Variants in CLIP3 observed in about 807,000 individuals in gnomAD.
CLIP3 encodes the protein CAP-Gly domain-containing linker protein 3.
Under a neutral mutation model 59.4 loss-of-function variants are expected in CLIP3, and 15 were observed. The observed-to-expected ratio is 0.25, with a 90% CI of 0.17 to 0.39. CLIP3 has a LOEUF of 0.39. Among genes scored for constraint, CLIP3 ranks in the 10% least tolerant of loss-of-function variants. The pLI is 1.00. For missense variants in CLIP3, 495 were observed against 765.7 expected (o/e 0.65, Z 4.17); for synonymous variants, 300 against 321.6 (o/e 0.93, Z 0.72).
chr19:36,020,357 C>T (rs956444602), intron 7 of CLIP3, among the ~76,000 whole-genome samples: 1 of 151,758 alleles, frequency 6.6e-6, no homozygotes, highest in Non-Finnish European at 1.5e-5. Flanking sequence ...AATCCTAGCA[C>T]TCTGGGAGGC....
intron 2 of CLIP3, among the ~76,000 whole-genome samples, chr19:36,031,025 T>TTTTTTTTTTTTTTTTTTTC (rs1969251895): frequency 8.5e-5 from 7 of 82,656 alleles, no homozygotes; most frequent in Non-Finnish European, 1.3e-4. Flanking sequence ...TTTTTTTTCT[T>TTTTTTTTTTTTTTTTTTTC]TTTTTTTTTT....
Position 36,016,702 on chromosome 19 carries a change from C to T in CLIP3, c.1589+205G>A, listed in dbSNP as rs544472170. 151 of 593,836 alleles carry T rather than the reference C, an allele frequency of 2.5e-4. 1 individual carries two copies. The South Asian group carries it at 2.7e-3, about 11-fold the overall frequency. The allele number at this position is 593,836 out of a possible 1,614,324, so 36.8% of individuals were successfully genotyped here. A position where few individuals can be genotyped will look rare whatever the true frequency, so the allele number is the denominator to read the frequency against. On this transcript the variant is annotated intron_variant, in intron 13 of 13. Coordinates refer to ENST00000360535, the MANE Select transcript of CLIP3 (RefSeq NM_015526.3). The surrounding 1 kb of genome is among the most constrained non-coding windows in gnomAD (Gnocchi z 4.1). ...GTGAAGGGTGTTCTGCTTCCTTTAC[C>T]GGCCCACCCGAAAGTGGAATTCACT...
At chr19:36,025,011 A>G (rs1969061216) in intron 6 of CLIP3, among the ~76,000 whole-genome samples, 1 of 151,510 alleles carries the variant, frequency 6.6e-6, no homozygotes, top group Non-Finnish European at 1.5e-5. Context: ...GGTTGCAGTG[A>G]GCCAAGATCA....
At position 36,026,740 on chromosome 19, in the gene CLIP3, G is replaced by A. The variant is rs371441281; in HGVS notation, c.408C>T (p.Pro136=). 6.3e-7 allele frequency: 1 copy of A among 1,596,110 alleles called. No individual in the cohort carries two copies. The highest frequency in any genetic ancestry group is 1.1e-5 in the South Asian group (1 of 89,768). Residue 136 remains proline, a synonymous_variant, in exon 5 of 14, where the codon CCC becomes CCT. Transcript: ENST00000360535. The surrounding 1 kb of genome is among the most constrained non-coding windows in gnomAD (Gnocchi z 6.3). ...GCTGCGAGAGGCGCACGGCTGCCGC[G>A]GGGTCCCCTGCGCGATAGGCCGGGT... The part of the protein sequence containing the change: ...CKAGAHGVGD[P]AAAVRLSQQL...
chr19:36,026,845 C>T lies in CLIP3; in HGVS notation c.401-98G>A, dbSNP rs1599702607. On this transcript the variant is annotated intron_variant, in intron 4 of 13. Coordinates refer to ENST00000360535, the MANE Select transcript of CLIP3 (RefSeq NM_015526.3). The surrounding 1 kb of genome is among the most constrained non-coding windows in gnomAD (Gnocchi z 6.3). ...GCTTCAGGGACTATACTTTGGGATC[C>T]GAAGCTTCGGGTTCCAGATGGGGCC... The T allele has an allele frequency of 5.9e-6, 9 of 1,529,164 alleles. No individual in the cohort carries two copies. In the South Asian group the frequency reaches 7.3e-5, roughly 12 times the overall value. The allele number at this position is 1,529,164 out of a possible 1,614,324, so 94.7% of individuals were successfully genotyped here.
At chr19:36,019,099 C>T (rs1233109229) in intron 8 of CLIP3, 72 bp downstream of exon 8, 12 of 1,602,398 alleles carry the variant, frequency 7.5e-6, no homozygotes, top group Non-Finnish European at 9.4e-6. Context: ...TCCCCTATTT[C>T]CCAGTCAGCA....
At chr19:36,031,712 C>T (rs1458004350) in intron 2 of CLIP3, among the ~76,000 whole-genome samples, 4 of 152,202 alleles carry the variant, frequency 2.6e-5, no homozygotes, top group Non-Finnish European at 5.9e-5. Flanking sequence ...CTTGCAGCAG[C>T]TTGTTTATGG....
In CLIP3 at chr19:36,016,993, CAG is replaced by C; in HGVS notation, c.1517-16_1517-15del. 1 of 1,613,658 alleles carries C rather than the reference CAG, an allele frequency of 6.2e-7. No homozygotes were observed. The highest frequency in any genetic ancestry group is 8.5e-7 in the Non-Finnish European group (1 of 1,179,778). On this transcript the variant is annotated splice_polypyrimidine_tract_variant and intron_variant, in intron 12 of 13. Coordinates refer to ENST00000360535, the MANE Select transcript of CLIP3 (RefSeq NM_015526.3). The surrounding 1 kb of genome is among the most constrained non-coding windows in gnomAD (Gnocchi z 4.1). ...TGGGCTGCGTCACTGAAGAGGAGGG[CAG>C]GATGTCAAGTGAGGGGATGACAGAC... is the stretch of plus-strand genomic sequence containing the variant.
rs761530582 is a variant in CLIP3 at position 36,019,274 on chromosome 19, C to T, written c.951G>A (p.Glu317=). 4.3e-6 allele frequency: 7 copies of T among 1,613,556 alleles called. No individual in the cohort carries two copies. The highest frequency in any genetic ancestry group is 3.3e-4 in the Middle Eastern group (2 of 6,062). The change falls in exon 8 of 14, where the codon GAG becomes GAA. Residue 317 remains glutamate (E), a synonymous_variant. Transcript: ENST00000360535. ...TGTLRFCGTT[E]FASGQWVGVE... ...CGCCCACCCACTGGCCGCTGGCAAA[C>T]TCCGTGGTCCCACAGAACCGCAGTG...
intron 7 of CLIP3, among the ~76,000 whole-genome samples, chr19:36,022,674 C>T (rs1188866118): frequency 6.6e-6 from 1 of 152,194 alleles, no homozygotes; most frequent in African/African-American, 2.4e-5. Flanking sequence ...GTAATCCCAG[C>T]ACTTTGGGAG....
chr19:36,022,385 G>T (rs1968975514), intron 7 of CLIP3, among the ~76,000 whole-genome samples: 1 of 152,148 alleles, frequency 6.6e-6, no homozygotes, highest in South Asian at 2.1e-4. Context: ...AGAATCACTG[G>T]CTCCAGGTCC....
chr19:36,016,216 G>C lies in CLIP3; in HGVS notation c.1590-4C>G, dbSNP rs781124498. On this transcript the variant is annotated splice_polypyrimidine_tract_variant and splice_region_variant and intron_variant, in intron 13 of 13. Coordinates refer to ENST00000360535, the MANE Select transcript of CLIP3 (RefSeq NM_015526.3). The surrounding 1 kb of genome is among the most constrained non-coding windows in gnomAD (Gnocchi z 4.1). ...GAACCAGCAGCAGAACAGCAACCTG[G>C]AAAGGAGGATGACAGGGTCACGCCC... 2 of 1,614,074 alleles carry C rather than the reference G, an allele frequency of 1.2e-6. No homozygotes were observed. Among genetic ancestry groups the C allele is most frequent in the South Asian group, 2.2e-5 (2 of 91,086 alleles).
Position 36,031,008 on chromosome 19 carries a change from C to CTTTTTTTTTTTTTTTTTTTTT in CLIP3, c.166+1183_166+1184insAAAAAAAAAAAAAAAAAAAAA, listed in dbSNP as rs374690845. 3.5e-3 allele frequency among the ~76,000 whole-genome samples: 275 copies of CTTTTTTTTTTTTTTTTTTTTT among 77,794 alleles called. 1 individual carries two copies. The highest frequency in any genetic ancestry group is 9.8e-3 in the Middle Eastern group (1 of 102). 51.0% of individuals were successfully genotyped at this position (77,794 alleles called of 152,430 possible). On this transcript the variant is annotated intron_variant, in intron 2 of 13. Transcript: ENST00000360535. ...TTTTTCTTTTTTCTTTTTTTCTTTT[C>CTTTTTTTTTTTTTTTTTTTTT]TTTTTTTTTTTTTTCTTTTTTTTTT...
Position 36,026,832 on chromosome 19 carries a change from A to G in CLIP3, c.401-85T>C, listed in dbSNP as rs2073897. 0.04 allele frequency: 61,741 copies of G among 1,538,314 alleles called. 1,531 individuals are homozygous for G. The highest frequency in any genetic ancestry group is 0.096 in the East Asian group (4,138 of 43,218). On this transcript the variant is annotated intron_variant, in intron 4 of 13. Transcript: ENST00000360535. The surrounding 1 kb of genome is among the most constrained non-coding windows in gnomAD (Gnocchi z 6.3). ...GGGAGGACCCTGGGCTTCAGGGACT[A>G]TACTTTGGGATCCGAAGCTTCGGGT...
intron 6 of CLIP3, among the ~76,000 whole-genome samples, chr19:36,025,448 G>T (rs751609090): frequency 6.6e-6 from 1 of 152,126 alleles, no homozygotes; most frequent in South Asian, 2.1e-4. Context: ...AAAATTAGCC[G>T]GGTGTGGTGG....
rs913141532 is a variant in CLIP3, at chr19:36,032,486, G to T, written c.-58-71C>A. Reference sequence around the variant, plus strand: ...GTCCAAGCCCCTAGGAGCTTCCAGGGCCCCGGGTGGCCTCCGCGCAACTGG... The same window carrying T: ...GTCCAAGCCCCTAGGAGCTTCCAGGTCCCCGGGTGGCCTCCGCGCAACTGG... On this transcript the variant is annotated intron_variant, in intron 1 of 13. Transcript: ENST00000360535. This position sits in a 1 kb window ranked among gnomAD's most constrained non-coding sequence, Gnocchi z 4.3. 232 of 417,176 alleles carry T rather than the reference G, an allele frequency of 5.6e-4. 2 individuals carry two copies. Among genetic ancestry groups the T allele is most frequent in the Non-Finnish European group, 1.0e-4 (25 of 243,242 alleles). The allele number at this position is 417,176 out of a possible 1,614,324, so 25.8% of individuals were successfully genotyped here.
Position 36,026,363 on chromosome 19 carries a change from G to A in CLIP3, c.563-98C>T. On this transcript the variant is annotated intron_variant, in intron 5 of 13. Transcript: ENST00000360535. The surrounding 1 kb of genome is among the most constrained non-coding windows in gnomAD (Gnocchi z 6.3). ...CATCTCTTAACTTGCAGGTCCCAGA[G>A]CCTCCGACGCAGAGCCCCGCCCCCA... 8.1e-7 allele frequency: 1 copy of A among 1,230,704 alleles called. No individual in the cohort carries two copies. Among genetic ancestry groups the A allele is most frequent in the Non-Finnish European group, 1.2e-6 (1 of 856,856 alleles). 76.2% of individuals were successfully genotyped at this position (1,230,704 alleles called of 1,614,324 possible).
At chr19:36,023,688 G>A (rs560924182) in intron 7 of CLIP3, among the ~76,000 whole-genome samples, 1 of 151,828 alleles carries the variant, frequency 6.6e-6, no homozygotes, top group Admixed American at 6.6e-5. Flanking sequence ...TTAGAGGTGT[G>A]AACTACCGTG....
rs192589065 is a variant in CLIP3 at position 36,016,254 on chromosome 19, C to A, written c.1590-42G>T. 50 of 1,609,642 alleles carry A rather than the reference C, an allele frequency of 3.1e-5. No individual in the cohort carries two copies. In the African/African-American group the frequency reaches 5.9e-4, roughly 19 times the overall value. The stretch of plus-strand genomic sequence containing the variant: ...CAGGGTCACGCCCTTAGGCAGGCAG[C>A]GGGGACATCTGCACCCATCACCCCC... On this transcript the variant is annotated intron_variant, in intron 13 of 13. Coordinates refer to ENST00000360535, the MANE Select transcript of CLIP3 (RefSeq NM_015526.3). The surrounding 1 kb of genome is among the most constrained non-coding windows in gnomAD (Gnocchi z 4.1).
Sources: allele counts gnomAD v4.1 joint callset (sites outside exome capture counted in the v4.1 genomes callset), GRCh38; gene constraint gnomAD v4.1.1; non-coding constraint Gnocchi (gnomAD v3.1); transcripts MANE v1.5; gene names NCBI Gene and HGNC (gene_info 2026-07-23, HGNC 2026-07-21).